The following NCKAP5 variants were observed in gnomAD, a reference collection of about 807,000 sequenced individuals.
NCKAP5 encodes nck-associated protein 5.
In NCKAP5, 92 loss-of-function variants were observed where a neutral mutation model predicts 167.0. The ratio of observed to expected loss-of-function variants is 0.55; its 90% CI spans 0.47 to 0.66. The LOEUF is 0.66. Ranked by LOEUF, NCKAP5 falls within the 30% of genes least tolerant of loss-of-function variation. The pLI is 0.00. For missense variants in NCKAP5, 2,378 were observed against 2,315.0 expected (o/e 1.03, Z -0.56); for synonymous variants, 891 against 877.4 (o/e 1.02, Z -0.27).
intron 7 of NCKAP5, among the ~76,000 whole-genome samples, chr2:132,991,772 A>G (rs946328175): frequency 3.1e-4 from 47 of 152,270 alleles, no homozygotes; most frequent in African/African-American, 1.1e-3. Flanking sequence ...GGAAAATCTG[A>G]GACAGGTGTG....
In NCKAP5 at chr2:132,991,898, A is replaced by G. The variant is rs73956092; in HGVS notation, c.429+2254T>C. ...CCACTAGTATCACCACGCATACATC[A>G]TGCATAAACTATTTTGCCGCTATTA... On this transcript the variant is annotated intron_variant, in intron 7 of 19. Transcript: ENST00000409261. 7.3e-3 allele frequency among the ~76,000 whole-genome samples: 1,111 copies of G among 152,296 alleles called. 8 individuals are homozygous for G. The highest frequency in any genetic ancestry group is 0.025 in the African/African-American group (1,050 of 41,570).
At chr2:132,894,036 G>A (rs1692937871) in intron 8 of NCKAP5, among the ~76,000 whole-genome samples, 1 of 152,190 alleles carries the variant, frequency 6.6e-6, no homozygotes, top group Non-Finnish European at 1.5e-5. Flanking sequence ...TGAGATGAGA[G>A]AGGGAAGACA....
chr2:133,088,935 A>G (rs1164619192), intron 6 of NCKAP5, among the ~76,000 whole-genome samples: 1 of 152,216 alleles, frequency 6.6e-6, no homozygotes, highest in Non-Finnish European at 1.5e-5. Context: ...AGAAGCTGAC[A>G]CTAAAATAAA....
At position 132,784,886 on chromosome 2, in the gene NCKAP5, G is replaced by A. The variant is rs764045253; in HGVS notation, c.1925C>T (p.Ser642Leu). Residue 642 changes from serine (S) to leucine (L), a missense_variant, in exon 14 of 20, where the codon TCA becomes TTA. Transcript: ENST00000409261. Reference sequence around the variant, plus strand: ...ACTAAAAGTCTTTGGCCTAGTCTCTGAAGGGATGGGCACTTGTTTTTCCTC... The same window carrying A: ...ACTAAAAGTCTTTGGCCTAGTCTCTAAAGGGATGGGCACTTGTTTTTCCTC... ...EEEEKQVPIP[S>L]ETRPKTFSFI... 1 of 1,565,740 alleles carries A rather than the reference G, an allele frequency of 6.4e-7. No homozygotes were observed. The highest frequency in any genetic ancestry group is 8.6e-7 in the Non-Finnish European group (1 of 1,157,226).
rs202214984 is a variant in NCKAP5 at position 132,783,030 on chromosome 2, G to A, written c.3781C>T (p.His1261Tyr). The change falls in exon 14 of 20, where the codon CAC becomes TAC. Residue 1261 changes from histidine (H) to tyrosine (Y), a missense_variant. Around this residue, in one of 3 missense-constraint regions of NCKAP5, gnomAD observed 1,325 missense variants for 1,274.5 expected, o/e 1.04. Transcript: ENST00000409261. ...TTCATACCCAGAGCTGGTTTTAGGT[G>A]TGGTTTGCTGGAGGAAAGGGATCTT... ...MRRSLSSSKP[H>Y]LKPALGMNGA... 1.9e-6 allele frequency: 3 copies of A among 1,613,912 alleles called. No individual in the cohort carries two copies. The African/African-American group carries it at 4.0e-5, about 22-fold the overall frequency.
chr2:133,253,971 G>C (rs2088486514), intron 4 of NCKAP5, among the ~76,000 whole-genome samples: 1 of 152,104 alleles, frequency 6.6e-6, no homozygotes, highest in Non-Finnish European at 1.5e-5. Flanking sequence ...ACAAAAATAA[G>C]CAGAAATTCA....
intron 4 of NCKAP5, among the ~76,000 whole-genome samples, chr2:133,291,470 C>T (rs542148518): frequency 6.6e-6 from 1 of 152,108 alleles, no homozygotes; most frequent in Admixed American, 6.5e-5. Flanking sequence ...CCAAAGCAAC[C>T]CAGGGTCCAG....
intron 19 of NCKAP5, among the ~76,000 whole-genome samples, chr2:132,721,523 G>A (rs1012772167): frequency 3.3e-5 from 5 of 152,204 alleles, no homozygotes; most frequent in East Asian, 1.9e-4. Flanking sequence ...CACGTGCGAC[G>A]AAAGCAAGGA....
intron 11 of NCKAP5, among the ~76,000 whole-genome samples, chr2:132,848,315 G>A (rs1688819888): frequency 6.6e-6 from 1 of 152,202 alleles, no homozygotes; most frequent in African/African-American, 2.4e-5. Context: ...TGAGGCATCA[G>A]CTTGCAGATT....
intron 6 of NCKAP5, among the ~76,000 whole-genome samples, chr2:133,120,632 C>T (rs1405856293): frequency 6.6e-6 from 1 of 152,168 alleles, no homozygotes; most frequent in Non-Finnish European, 1.5e-5. Flanking sequence ...CATTTAGTGC[C>T]CTGCAGAAAG....
At chr2:132,746,526 T>A (rs1679659851) in intron 16 of NCKAP5, among the ~76,000 whole-genome samples, 1 of 151,986 alleles carries the variant, frequency 6.6e-6, no homozygotes, top group Admixed American at 6.6e-5. Flanking sequence ...AATAAAAGCA[T>A]GATAAATTAG....
the NCKAP5 span, among the ~76,000 whole-genome samples, chr2:133,598,571 G>C: frequency 1.3e-5 from 2 of 152,282 alleles, no homozygotes; most frequent in Non-Finnish European, 2.9e-5. Flanking sequence ...AATGAAAGAG[G>C]CTTTCTCCTT....
rs151021994 is a variant in NCKAP5, at chr2:133,176,522, G to A, written c.207+37194C>T. 1.9e-3 allele frequency among the ~76,000 whole-genome samples: 291 copies of A among 152,158 alleles called. 3 individuals carry two copies. The highest frequency in any genetic ancestry group is 6.8e-3 in the Middle Eastern group (2 of 294). The stretch of plus-strand genomic sequence containing the variant: ...CACATACAATTATGTTCTTTGGATA[G>A]AATGTTACTTATATTCCATTAGTTA... On this transcript the variant is annotated intron_variant, in intron 5 of 19. Transcript: ENST00000409261.
intron 3 of NCKAP5, among the ~76,000 whole-genome samples, chr2:133,496,886 T>C (rs1186634419): frequency 1.3e-5 from 2 of 152,182 alleles, no homozygotes; most frequent in East Asian, 1.9e-4. Context: ...AAGTGTTTCT[T>C]GCAAAAAGTA....
chr2:133,196,635 G>A (rs773789815), intron 5 of NCKAP5, among the ~76,000 whole-genome samples: 2 of 152,090 alleles, frequency 1.3e-5, no homozygotes, highest in Non-Finnish European at 2.9e-5. Context: ...TAGAAGTTCC[G>A]CTGAACCAGC....
intron 11 of NCKAP5, among the ~76,000 whole-genome samples, chr2:132,841,510 A>G (rs2105425427): frequency 6.6e-6 from 1 of 152,224 alleles, no homozygotes; most frequent in African/African-American, 2.4e-5. Flanking sequence ...TATAGTTGCC[A>G]TTTCATTTTC....
the NCKAP5 span, among the ~76,000 whole-genome samples, chr2:133,637,483 A>AAAAAAAAAAAAAAAAAAC: frequency 8.2e-6 from 1 of 121,330 alleles, no homozygotes; most frequent in East Asian, 2.1e-4. Context: ...TTCCAAAAAA[A>AAAAAAAAAAAAAAAAAAC]AAAAAAAAAA....
intron 2 of NCKAP5, among the ~76,000 whole-genome samples, chr2:133,522,161 C>G (rs79112518): frequency 2.0e-5 from 3 of 152,202 alleles, no homozygotes; most frequent in African/African-American, 7.2e-5. Flanking sequence ...GCTTCCAGCT[C>G]TAGCAGAACA....
intron 2 of NCKAP5, among the ~76,000 whole-genome samples, chr2:133,542,307 C>G (rs556310364): frequency 6.6e-6 from 1 of 152,062 alleles, no homozygotes; most frequent in South Asian, 2.1e-4. Context: ...TTCCACAGTA[C>G]CATATTTGAG....
Sources: allele counts gnomAD v4.1 joint callset (sites outside exome capture counted in the v4.1 genomes callset), GRCh38; gene constraint gnomAD v4.1.1; regional missense constraint gnomAD v4.1.1; transcripts MANE v1.5; gene names NCBI Gene and HGNC (gene_info 2026-07-23, HGNC 2026-07-21).